MMAB: variants seen among roughly 807,000 people sequenced by gnomAD.
The protein encoded by MMAB is metabolism of cobalamin associated B, also known as corrinoid adenosyltransferase MMAB.
A neutral mutation model predicts 30.6 loss-of-function variants in MMAB; 17 were observed. The observed-to-expected ratio is 0.56, with a 90% CI of 0.38 to 0.83. The LOEUF is 0.83. Among genes scored for constraint, MMAB ranks in the 40% least tolerant of loss-of-function variants. The pLI, the probability that MMAB is intolerant of heterozygous loss-of-function variation, is 0.00. For missense variants in MMAB, 311 were observed against 331.6 expected, an observed-to-expected ratio of 0.94 and a Z score of 0.48; for synonymous variants, 134 against 138.6, an observed-to-expected ratio of 0.97 and a Z score of 0.23.
In MMAB at chr12:109,568,762, C is replaced by T; in HGVS notation, c.290+8G>A. On this transcript the variant is annotated splice_region_variant and intron_variant, in intron 3 of 8. Transcript: ENST00000545712. ...ACGCAACCTCAAGGCCAATCCTGTC[C>T]CCCTTACCCAATAGCTGAACTTAAT... The T allele has an allele frequency of 6.2e-7, 1 of 1,609,502 alleles. No individual in the cohort carries two copies. The highest frequency in any genetic ancestry group is 8.5e-7 in the Non-Finnish European group (1 of 1,175,776).
rs1883945862 is a variant in MMAB at position 109,555,609 on chromosome 12, C to G, written c.*1419G>C. The stretch of plus-strand genomic sequence containing the variant: ...ACTGAGCACCGACTCCGTACCAGAC[C>G]TGGTAGTGACGATGGGGGCAGGGAG... On this transcript the variant is annotated 3_prime_UTR_variant, in exon 9 of 9. Coordinates refer to ENST00000545712, the MANE Select transcript of MMAB (RefSeq NM_052845.4). 2.2e-6 allele frequency: 1 copy of G among 451,708 alleles called. No homozygotes were observed. Among genetic ancestry groups the G allele is most frequent in the Admixed American group, 2.4e-5 (1 of 42,354 alleles). 28.0% of individuals were successfully genotyped at this position (451,708 alleles called of 1,614,324 possible). A position where few individuals can be genotyped will look rare whatever the true frequency, so the allele number is the denominator to read the frequency against.
Position 109,554,234 on chromosome 12 carries a change from T to C in MMAB, c.*2794A>G, listed in dbSNP as rs1468777105. The C allele has an allele frequency of 6.6e-6, 3 of 453,906 alleles. No homozygotes were observed. The highest frequency in any genetic ancestry group is 4.0e-5 in the African/African-American group (2 of 49,986). The allele number at this position is 453,906 out of a possible 1,614,324, so 28.1% of individuals were successfully genotyped here. ...CTGCTATGGGGTTCAAATGAGATAA[T>C]GTCTGTGGAACACTTGGCTCAGGGC... is the stretch of plus-strand genomic sequence containing the variant. On this transcript the variant is annotated 3_prime_UTR_variant, in exon 9 of 9. Transcript: ENST00000545712.
intron 8 of MMAB, among the ~76,000 whole-genome samples, chr12:109,557,375 G>A (rs951862033): frequency 1.3e-5 from 2 of 152,236 alleles, no homozygotes; most frequent in African/African-American, 4.8e-5. Flanking sequence ...TGCAGGATGA[G>A]GCCATTGCCC....
chr12:109,557,165 A>C, intron 8 of MMAB, 29 bp from the exon 9 acceptor site: 1 of 1,475,504 alleles, frequency 6.8e-7, no homozygotes, highest in South Asian at 1.1e-5. Flanking sequence ...AGAAGCAAAC[A>C]GAATGGTTTG....
intron 1 of MMAB, chr12:109,573,135 G>A: frequency 1.5e-6 from 1 of 648,256 alleles, no homozygotes; most frequent in Non-Finnish European, 2.7e-6. Context: ...GCCCTGCCCT[G>A]CCCGATGATA....
At chr12:109,562,914 G>A (rs1270618579) in intron 4 of MMAB, among the ~76,000 whole-genome samples, 3 of 152,214 alleles carry the variant, frequency 2.0e-5, no homozygotes, top group African/African-American at 7.2e-5. Context: ...AAGACCACAA[G>A]TACCACCTCT....
chr12:109,557,186 T>G (rs1435158267), intron 8 of MMAB, 50 bp from the exon 9 acceptor site: 1 of 1,241,932 alleles, frequency 8.1e-7, no homozygotes, highest in Non-Finnish European at 1.2e-6. Flanking sequence ...AAATGAGAGA[T>G]CAACGCTAAC....
At chr12:109,557,718 C>A (rs1884029207) in intron 8 of MMAB, among the ~76,000 whole-genome samples, 3 of 152,230 alleles carry the variant, frequency 2.0e-5, no homozygotes, top group Admixed American at 6.5e-5. Flanking sequence ...TTGGTCTCCA[C>A]CCACCAGGTG....
chr12:109,555,656 T>C lies in MMAB; in HGVS notation c.*1372A>G, dbSNP rs932375519. Reference sequence around the variant, plus strand: ...GGAGGCACGGAACAAAGCCACCTCCTGGAAGGCATTCACACACTCCTGGTC... The same window carrying C: ...GGAGGCACGGAACAAAGCCACCTCCCGGAAGGCATTCACACACTCCTGGTC... On this transcript the variant is annotated 3_prime_UTR_variant, in exon 9 of 9. Coordinates refer to ENST00000545712, the MANE Select transcript of MMAB (RefSeq NM_052845.4). The C allele has an allele frequency of 2.0e-5, 9 of 451,266 alleles. No homozygotes were observed. Among genetic ancestry groups the C allele is most frequent in the Non-Finnish European group, 4.0e-5 (9 of 224,894 alleles). The allele number at this position is 451,266 out of a possible 1,614,324, so 28.0% of individuals were successfully genotyped here.
Position 109,569,271 on chromosome 12 carries a change from T to C in MMAB, c.197-408A>G, listed in dbSNP as rs906652168. The stretch of plus-strand genomic sequence containing the variant: ...CTTAAAGAACTTTCAACTTGAAATA[T>C]AGCATATACACAGAAAAGTGCTCAA... On this transcript the variant is annotated intron_variant, in intron 2 of 8. Coordinates refer to ENST00000545712, the MANE Select transcript of MMAB (RefSeq NM_052845.4). This position sits in a 1 kb window ranked among gnomAD's most constrained non-coding sequence, Gnocchi z 4.1. 1.3e-5 allele frequency among the ~76,000 whole-genome samples: 2 copies of C among 152,208 alleles called. No homozygotes were observed. Among genetic ancestry groups the C allele is most frequent in the Admixed American group, 6.5e-5 (1 of 15,288 alleles).
At chr12:109,568,111 A>G (rs1291663683) in intron 3 of MMAB, 1 of 155,936 alleles carries the variant, frequency 6.4e-6, no homozygotes, top group African/African-American at 2.4e-5. Flanking sequence ...ACACTGCACA[A>G]TCCCCTGGCA....
At position 109,558,690 on chromosome 12, in the gene MMAB, G is replaced by A. The variant is rs72650183; in HGVS notation, c.644+406C>T. The stretch of plus-strand genomic sequence containing the variant: ...GGCTCTCTTGTTGGTTCATGCTGCC[G>A]CAGGCCCTCTCGGGGACAGGAAACT... On this transcript the variant is annotated intron_variant, in intron 8 of 8. Transcript: ENST00000545712. The surrounding 1 kb of genome is among the most constrained non-coding windows in gnomAD (Gnocchi z 4.3). Among the ~76,000 whole-genome samples, 1,049 of 152,032 alleles carry A rather than the reference G, an allele frequency of 6.9e-3. 16 individuals are homozygous for A. The highest frequency in any genetic ancestry group is 0.011 in the Non-Finnish European group (763 of 67,928).
Position 109,561,777 on chromosome 12 carries a change from T to TAA in MMAB, c.421+2_421+3insTT, listed in dbSNP as rs1240211097. ...TGAACACCCACAGGAGTTTGAGAAT[T>TAA]ACTTAAGTGAGCCTCCCGGGCCGAG... On this transcript the variant is annotated splice_region_variant and intron_variant, in intron 5 of 8. Transcript: ENST00000545712. This position sits in a 1 kb window ranked among gnomAD's most constrained non-coding sequence, Gnocchi z 5.3. 2 of 1,605,644 alleles carry TAA rather than the reference T, an allele frequency of 1.2e-6. No homozygotes were observed. The highest frequency in any genetic ancestry group is 4.5e-5 in the East Asian group (2 of 44,584).
rs1450393512 is a variant in MMAB, at chr12:109,554,766, A to G, written c.*2262T>C. 2.2e-6 allele frequency: 1 copy of G among 454,026 alleles called. No individual in the cohort carries two copies. Among genetic ancestry groups the G allele is most frequent in the Non-Finnish European group, 4.4e-6 (1 of 226,808 alleles). 28.1% of individuals were successfully genotyped at this position (454,026 alleles called of 1,614,324 possible). On this transcript the variant is annotated 3_prime_UTR_variant, in exon 9 of 9. Coordinates refer to ENST00000545712, the MANE Select transcript of MMAB (RefSeq NM_052845.4). Reference sequence around the variant, plus strand: ...TTCTTTTGCCTCGGGCTCTTGATAGAGCTTTTGAAAGGCACTGCAGAAGAG... The same window carrying G: ...TTCTTTTGCCTCGGGCTCTTGATAGGGCTTTTGAAAGGCACTGCAGAAGAG...
chr12:109,573,223 AG>A, intron 1 of MMAB, 123 bp downstream of exon 1: 1 of 1,338,042 alleles, frequency 7.5e-7, no homozygotes, highest in Non-Finnish European at 1.1e-6. Context: ...TGGTGACGTC[AG>A]AACAGCGTGG....
Position 109,558,709 on chromosome 12 carries a change from G to A in MMAB, c.644+387C>T, listed in dbSNP as rs1884075710. On this transcript the variant is annotated intron_variant, in intron 8 of 8. Transcript: ENST00000545712. The surrounding 1 kb of genome is among the most constrained non-coding windows in gnomAD (Gnocchi z 4.3). ...GCTGCCGCAGGCCCTCTCGGGGACAGGAAACTGGCTGAGAGAGGGCCTGAA... is the reference window on the plus strand; with the variant it reads ...GCTGCCGCAGGCCCTCTCGGGGACAAGAAACTGGCTGAGAGAGGGCCTGAA... Among the ~76,000 whole-genome samples, 1 of 152,012 alleles carries A rather than the reference G, an allele frequency of 6.6e-6. No homozygotes were observed. The highest frequency in any genetic ancestry group is 1.5e-5 in the Non-Finnish European group (1 of 67,974).
At chr12:109,559,743 C>T (rs1592996616) in intron 7 of MMAB, among the ~76,000 whole-genome samples, 1 of 152,218 alleles carries the variant, frequency 6.6e-6, no homozygotes, top group African/African-American at 2.4e-5. Flanking sequence ...CCAGGTATCA[C>T]CCTGTGGCAT....
In MMAB at chr12:109,556,170, C is replaced by T. The variant is rs1259845243; in HGVS notation, c.*858G>A. On this transcript the variant is annotated 3_prime_UTR_variant, in exon 9 of 9. Coordinates refer to ENST00000545712, the MANE Select transcript of MMAB (RefSeq NM_052845.4). ...AACTGAAATAAATACAGCCGTGGCA[C>T]CGATCTCAGAGGCATAAGCCAGCCA... 2 of 453,632 alleles carry T rather than the reference C, an allele frequency of 4.4e-6. No homozygotes were observed. The highest frequency in any genetic ancestry group is 2.0e-5 in the African/African-American group (1 of 49,982). The allele number at this position is 453,632 out of a possible 1,614,324, so 28.1% of individuals were successfully genotyped here.
chr12:109,572,088 C>T (rs1358057672), intron 1 of MMAB, among the ~76,000 whole-genome samples: 2 of 152,178 alleles, frequency 1.3e-5, no homozygotes, highest in African/African-American at 4.8e-5. Context: ...AGGTAGCCAA[C>T]ACCTATTCTC....
Sources: allele counts gnomAD v4.1 joint callset (sites outside exome capture counted in the v4.1 genomes callset), GRCh38; gene constraint gnomAD v4.1.1; non-coding constraint Gnocchi (gnomAD v3.1); transcripts MANE v1.5; gene names NCBI Gene and HGNC (gene_info 2026-07-23, HGNC 2026-07-21).